CACNA2D3: variants seen among roughly 807,000 people sequenced by gnomAD.
CACNA2D3 encodes the protein voltage-dependent calcium channel subunit alpha-2/delta-3.
CACNA2D3 carries 60 observed loss-of-function variants against 160.6 expected under a neutral mutation model. The ratio of observed to expected loss-of-function variants is 0.37; its 90% confidence interval spans 0.30 to 0.46. The LOEUF (loss-of-function observed/expected upper bound fraction) is 0.46, where lower values mean the gene tolerates loss of function less well. Among genes scored for constraint, CACNA2D3 ranks in the 20% least tolerant of loss-of-function variants. The pLI, the probability that CACNA2D3 is intolerant of heterozygous loss-of-function variation, is 1.00. For synonymous variants in CACNA2D3, 558 were observed against 492.9 expected, an observed-to-expected ratio of 1.13 and a Z score of -1.75; for missense variants, 1,205 against 1,365.0, an observed-to-expected ratio of 0.88 and a Z score of 1.85.
chr3:54,319,954 T>C (rs1357669793), intron 2 of CACNA2D3, among the ~76,000 whole-genome samples: 1 of 152,210 alleles, frequency 6.6e-6, no homozygotes, highest in East Asian at 1.9e-4. Context: ...TCTCTTGTGA[T>C]TGGTTGCTGA....
rs770675947 is a variant in CACNA2D3, at chr3:54,871,611, C to G, written c.1699C>G (p.Arg567Gly). 22 of 1,611,574 alleles carry G rather than the reference C, an allele frequency of 1.4e-5. No homozygotes were observed. Among genetic ancestry groups the G allele is most frequent in the Non-Finnish European group, 1.8e-5 (21 of 1,178,030 alleles). ...VDLSEVEWEDRDDVLRNAMVN... is the reference protein window; with the variant it reads ...VDLSEVEWEDGDDVLRNAMVN... ...CCTCTCTGAGGTGGAGTGGGAAGAC[C>G]GAGATGACGTGGTAAGTGATTTGTT... The change falls in exon 18 of 38, where the codon CGA (arginine) becomes GGA (glycine). Residue 567 changes from arginine (R) to glycine (G), a missense_variant. Arg to Gly is a moderately radical substitution (Grantham distance 125). This residue lies in a region of CACNA2D3 where 911 missense variants were observed against 1,002.2 expected (regional missense o/e 0.91). Transcript: ENST00000474759.
intron 5 of CACNA2D3, among the ~76,000 whole-genome samples, chr3:54,527,523 G>A (rs752619674): frequency 2.0e-4 from 30 of 152,128 alleles, no homozygotes; most frequent in Non-Finnish European, 3.7e-4. Context: ...TCCCAGTGTG[G>A]AGCGTTCGCC....
chr3:54,215,489 T>C (rs554439714), intron 2 of CACNA2D3, among the ~76,000 whole-genome samples: 1 of 152,340 alleles, frequency 6.6e-6, no homozygotes, highest in African/African-American at 2.4e-5. Flanking sequence ...GTCCCCCCAT[T>C]GCCTATTAAA....
chr3:54,178,222 A>T (rs1313415395), intron 2 of CACNA2D3, among the ~76,000 whole-genome samples: 1 of 152,214 alleles, frequency 6.6e-6, no homozygotes, highest in African/African-American at 2.4e-5. Context: ...GTACTCAGAA[A>T]ATAGCCTTTG....
intron 10 of CACNA2D3, among the ~76,000 whole-genome samples, chr3:54,628,777 G>T (rs896032535): frequency 6.6e-6 from 1 of 152,174 alleles, no homozygotes; most frequent in African/African-American, 2.4e-5. Context: ...ATTAGCATCA[G>T]CAGGAGGCAT....
chr3:54,816,427 T>C (rs928559509), intron 13 of CACNA2D3, among the ~76,000 whole-genome samples: 1 of 152,128 alleles, frequency 6.6e-6, no homozygotes, highest in Non-Finnish European at 1.5e-5. Context: ...CAGCTCTCGC[T>C]CCCTTCCCTT....
At position 55,074,365 on chromosome 3, in the gene CACNA2D3, T is replaced by TAAAG. The variant is rs1437533961; in HGVS notation, c.*161_*164dup. 60 of 613,862 alleles carry TAAAG rather than the reference T, an allele frequency of 9.8e-5. 1 individual carries two copies. In the East Asian group the frequency reaches 1.2e-3, roughly 12 times the overall value. The allele number at this position is 613,862 out of a possible 1,614,324, so 38.0% of individuals were successfully genotyped here. On this transcript the variant is annotated 3_prime_UTR_variant, in exon 38 of 38. Coordinates refer to ENST00000474759, the MANE Select transcript of CACNA2D3 (RefSeq NM_018398.3). ...TTAAACTGTGCGTGATATAAACTCT[T>TAAAG]AAAGATATGTTGACAAAAAGTTATC...
At chr3:54,958,938 T>C (rs1701967052) in intron 27 of CACNA2D3, among the ~76,000 whole-genome samples, 1 of 151,900 alleles carries the variant, frequency 6.6e-6, no homozygotes, top group African/African-American at 2.4e-5. Flanking sequence ...ACCCTGTCTC[T>C]ACAAAAAACA....
intron 14 of CACNA2D3, among the ~76,000 whole-genome samples, chr3:54,821,723 C>CTCTCTCTCTCTCTT (rs1392958679): frequency 5.4e-5 from 6 of 110,334 alleles, no homozygotes; most frequent in Admixed American, 4.9e-4. Context: ...TTTCCTCTCT[C>CTCTCTCTCTCTCTT]TCTCTCTCTC....
intron 4 of CACNA2D3, among the ~76,000 whole-genome samples, chr3:54,472,405 T>C (rs905842645): frequency 6.6e-6 from 1 of 152,110 alleles, no homozygotes; most frequent in African/African-American, 2.4e-5. Flanking sequence ...CTCAAAGTAA[T>C]AAGAGCTATT....
chr3:54,645,651 C>A (rs1699619229), intron 11 of CACNA2D3, among the ~76,000 whole-genome samples: 1 of 152,200 alleles, frequency 6.6e-6, no homozygotes, highest in South Asian at 2.1e-4. Flanking sequence ...TCCCCAGCCT[C>A]CGGGGATTTG....
rs910519307 is a variant in CACNA2D3 at position 54,670,497 on chromosome 3, G to A, written c.1167+28256G>A. ...ATAATGGAGCAAAACCGCCCCATCTGGCCACTCTGTAAGAGAGAACTCACA... is the reference window on the plus strand; with the variant it reads ...ATAATGGAGCAAAACCGCCCCATCTAGCCACTCTGTAAGAGAGAACTCACA... On this transcript the variant is annotated intron_variant, in intron 11 of 37. Transcript: ENST00000474759. Among the ~76,000 whole-genome samples, 7 of 152,076 alleles carry A rather than the reference G, an allele frequency of 4.6e-5. No individual in the cohort carries two copies. The South Asian group carries it at 1.5e-3, about 32-fold the overall frequency.
intron 17 of CACNA2D3, among the ~76,000 whole-genome samples, chr3:54,847,612 C>T (rs1698963847): frequency 6.6e-6 from 1 of 152,192 alleles, no homozygotes; most frequent in Non-Finnish European, 1.5e-5. Context: ...ATGTGGATGC[C>T]ATATGCATGC....
intron 2 of CACNA2D3, among the ~76,000 whole-genome samples, chr3:54,307,636 TGAAA>T (rs962126422): frequency 3.9e-5 from 6 of 152,152 alleles, no homozygotes; most frequent in African/African-American, 1.4e-4. Context: ...AATTTGGAGG[TGAAA>T]GAGTTAAAGA....
intron 27 of CACNA2D3, among the ~76,000 whole-genome samples, chr3:54,912,356 T>A (rs573117967): frequency 6.2e-4 from 95 of 152,248 alleles, no homozygotes; most frequent in African/African-American, 2.3e-3. Flanking sequence ...CAAGAATCAT[T>A]GAGAGTTATC....
chr3:54,937,065 T>TC (rs1701346213), intron 27 of CACNA2D3, among the ~76,000 whole-genome samples: 1 of 152,188 alleles, frequency 6.6e-6, no homozygotes, highest in African/African-American at 2.4e-5. Flanking sequence ...AGTGCCCGTG[T>TC]TCACCCCTTA....
chr3:54,613,000 T>A (rs2106791492), intron 9 of CACNA2D3, among the ~76,000 whole-genome samples: 1 of 152,244 alleles, frequency 6.6e-6, no homozygotes, highest in African/African-American at 2.4e-5. Flanking sequence ...CCCCCATGAC[T>A]AGACATGACA....
At chr3:54,265,712 A>C (rs1386623099) in intron 2 of CACNA2D3, among the ~76,000 whole-genome samples, 2 of 150,540 alleles carry the variant, frequency 1.3e-5, no homozygotes, top group South Asian at 2.1e-4. Context: ...TAGTGTGTTT[A>C]TATACGCACA....
chr3:55,043,544 T>G (rs1042835189), intron 35 of CACNA2D3, among the ~76,000 whole-genome samples: 7 of 152,290 alleles, frequency 4.6e-5, no homozygotes, highest in East Asian at 1.9e-4. Flanking sequence ...GCAAATTTTT[T>G]GTATATTCTA....
Sources: allele counts gnomAD v4.1 joint callset (sites outside exome capture counted in the v4.1 genomes callset), GRCh38; gene constraint gnomAD v4.1.1; regional missense constraint gnomAD v4.1.1; transcripts MANE v1.5; gene names NCBI Gene and HGNC (gene_info 2026-07-23, HGNC 2026-07-21).